ZNG1A: variants seen among roughly 807,000 people sequenced by gnomAD.
The protein encoded by ZNG1A is zinc-regulated GTPase metalloprotein activator 1A.
At chr9:158,517 CAGA>C in the ZNG1A span, among the ~76,000 whole-genome samples, 3 of 150,094 alleles carry the variant, frequency 2.0e-5, no homozygotes. Context: ...AATGATATGA[CAGA>C]AGAATTACAG....
At chr9:176,597 C>A in the ZNG1A span, among the ~76,000 whole-genome samples, 2 of 151,852 alleles carry the variant, frequency 1.3e-5, no homozygotes, top group Non-Finnish European at 2.9e-5. Context: ...CCTTTCAAAG[C>A]TTTTTAACAG....
the ZNG1A span, among the ~76,000 whole-genome samples, chr9:165,262 A>AT: frequency 2.0e-5 from 3 of 151,796 alleles, no homozygotes. Context: ...AAAAGCATGA[A>AT]TTTTTTCACT....
At chr9:143,718 T>G in the ZNG1A span, among the ~76,000 whole-genome samples, 7 of 122,248 alleles carry the variant, frequency 5.7e-5, 1 homozygote, top group Non-Finnish European at 1.1e-4. Context: ...GAGAAGGAAA[T>G]AAAGGGTACT....
the ZNG1A span, chr9:151,313 T>C: frequency 2.0e-6 from 2 of 982,748 alleles, no homozygotes; most frequent in Non-Finnish European, 1.2e-6. Flanking sequence ...ACCTAAGGCC[T>C]CTGCTGTACT....
the ZNG1A span, among the ~76,000 whole-genome samples, chr9:174,459 A>G: frequency 6.6e-6 from 1 of 152,106 alleles, no homozygotes; most frequent in African/African-American, 2.4e-5. Context: ...AAACATGAAG[A>G]AAAGTATTGA....
At chr9:169,607 G>A in the ZNG1A span, among the ~76,000 whole-genome samples, 126 of 145,564 alleles carry the variant, frequency 8.7e-4, 2 homozygotes, top group African/African-American at 3.1e-3. Flanking sequence ...GTCAACTAAT[G>A]CAGCAAACTT....
chr9:154,347 C>A, the ZNG1A span: 3 of 369,924 alleles, frequency 8.1e-6, no homozygotes, highest in Non-Finnish European at 1.4e-5. Flanking sequence ...GAATACATTA[C>A]GAGTAAAGAC....
the ZNG1A span, among the ~76,000 whole-genome samples, chr9:177,973 C>T: frequency 6.7e-6 from 1 of 149,088 alleles, no homozygotes; most frequent in Non-Finnish European, 1.5e-5. Flanking sequence ...AAGTCTGTAC[C>T]TGTCTCTAGC....
the ZNG1A span, among the ~76,000 whole-genome samples, chr9:130,122 A>G: frequency 1.5e-4 from 23 of 151,328 alleles, no homozygotes; most frequent in Admixed American, 1.3e-3. Context: ...TATGCGGTGC[A>G]TGACTATACT....
chr9:138,799 G>T, the ZNG1A span, among the ~76,000 whole-genome samples: 6 of 149,334 alleles, frequency 4.0e-5, no homozygotes, highest in Non-Finnish European at 5.9e-5. Context: ...AGCTTCTTGG[G>T]AGGCTGAGAT....
At chr9:170,364 T>C in the ZNG1A span, among the ~76,000 whole-genome samples, 2 of 147,486 alleles carry the variant, frequency 1.4e-5, no homozygotes, top group African/African-American at 2.7e-5. Context: ...AATGTGTGTG[T>C]GTGTGTGTGT....
chr9:130,014 T>C, the ZNG1A span, among the ~76,000 whole-genome samples: 1 of 150,524 alleles, frequency 6.6e-6, no homozygotes, highest in Admixed American at 6.6e-5. Flanking sequence ...GTTACTGTAC[T>C]GAACAGTGTA....
At chr9:155,142 C>A in the ZNG1A span, among the ~76,000 whole-genome samples, 2 of 151,282 alleles carry the variant, frequency 1.3e-5, no homozygotes, top group Non-Finnish European at 2.9e-5. Context: ...TCATAATTTT[C>A]TTTGTGAAGA....
chr9:175,384 A>C, the ZNG1A span, among the ~76,000 whole-genome samples: 4 of 148,804 alleles, frequency 2.7e-5, no homozygotes, highest in African/African-American at 1.0e-4. Context: ...CTCAAAAAAA[A>C]TAAAATAAAA....
At chr9:171,744 C>G in the ZNG1A span, 1 of 303,754 alleles carries the variant, frequency 3.3e-6, no homozygotes. Context: ...ACTAATACCC[C>G]ATGGATGCCA....
chr9:139,492 G>A, the ZNG1A span, among the ~76,000 whole-genome samples: 1 of 151,292 alleles, frequency 6.6e-6, no homozygotes, highest in Admixed American at 6.6e-5. Context: ...TTAAAAAATT[G>A]TTAAGAGGGT....
chr9:160,697 A>C, the ZNG1A span, among the ~76,000 whole-genome samples: 1 of 149,946 alleles, frequency 6.7e-6, no homozygotes, highest in Non-Finnish European at 1.5e-5. Flanking sequence ...TAAAATACAT[A>C]AACAGTTTGA....
chr9:140,367 G>A, the ZNG1A span, among the ~76,000 whole-genome samples: 125 of 151,162 alleles, frequency 8.3e-4, no homozygotes, highest in African/African-American at 2.9e-3. Flanking sequence ...TGACCCCCGA[G>A]CAGCCTAACT....
chr9:158,892 AC>A, the ZNG1A span, among the ~76,000 whole-genome samples: 1 of 152,162 alleles, frequency 6.6e-6, no homozygotes, highest in African/African-American at 2.4e-5. Context: ...TCAGCCCTGC[AC>A]TTCCCTCATG....
Sources: allele counts gnomAD v4.1 joint callset (sites outside exome capture counted in the v4.1 genomes callset), GRCh38; gene constraint gnomAD v4.1.1; transcripts MANE v1.5; gene names NCBI Gene and HGNC (gene_info 2026-07-23, HGNC 2026-07-21).